XPR1: variants seen among roughly 807,000 people sequenced by gnomAD.
XPR1 encodes the protein xenotropic and polytropic retrovirus receptor 1.
XPR1 carries 28 observed loss-of-function variants against 87.5 expected under a neutral mutation model. That is an observed-to-expected ratio of 0.32 (90% CI 0.24 to 0.44). The LOEUF is 0.44. XPR1 is among the 20% of genes least tolerant of loss of function. The pLI is 1.00. For missense variants in XPR1, 559 were observed against 862.3 expected (o/e 0.65, Z 4.41); for synonymous variants, 300 against 306.1 (o/e 0.98, Z 0.21).
rs368249144 is a variant in XPR1, at chr1:180,811,491, A to C, written c.763+3A>C. The C allele has an allele frequency of 2.6e-5, 42 of 1,607,960 alleles. No individual in the cohort carries two copies. The highest frequency in any genetic ancestry group is 8.5e-6 in the Non-Finnish European group (10 of 1,175,804). On this transcript the variant is annotated splice_donor_region_variant and intron_variant, in intron 7 of 14. Transcript: ENST00000367590. ...GAATATTACCCTTGTGCTTGCCGGTAAGTAGTTTAAATTTTGAATTAATTT... is the reference window on the plus strand; with the variant it reads ...GAATATTACCCTTGTGCTTGCCGGTCAGTAGTTTAAATTTTGAATTAATTT...
chr1:180,744,650 C>CTTTTTTTTTTTTTTTTTTTTTTTTT lies in XPR1; in HGVS notation c.122-43100_122-43099insTTTTTTTTTTTTTTTTTTTTTTTTT, dbSNP rs200044209. 9.8e-4 allele frequency among the ~76,000 whole-genome samples: 56 copies of CTTTTTTTTTTTTTTTTTTTTTTTTT among 56,958 alleles called. 10 individuals are homozygous for CTTTTTTTTTTTTTTTTTTTTTTTTT. The highest frequency in any genetic ancestry group is 2.6e-3 in the African/African-American group (45 of 17,144). The allele number at this position is 56,958 out of a possible 152,430, so 37.4% of individuals were successfully genotyped here. A position where few individuals can be genotyped will look rare whatever the true frequency, so the allele number is the denominator to read the frequency against. The stretch of plus-strand genomic sequence containing the variant: ...ACTTGTTCAGGTTTAGGCACAATTT[C>CTTTTTTTTTTTTTTTTTTTTTTTTT]TTTCTTTTTTTTTTTTTTGAGACAG... On this transcript the variant is annotated intron_variant, in intron 2 of 14. Coordinates refer to ENST00000367590, the MANE Select transcript of XPR1 (RefSeq NM_004736.4).
intron 1 of XPR1, among the ~76,000 whole-genome samples, chr1:180,677,894 A>G (rs1345670764): frequency 6.6e-6 from 1 of 152,200 alleles, no homozygotes; most frequent in Non-Finnish European, 1.5e-5. Context: ...GTTAGATCAG[A>G]TCTTTTGTAC....
At chr1:180,801,666 A>G (rs564569928) in intron 3 of XPR1, among the ~76,000 whole-genome samples, 19 of 152,332 alleles carry the variant, frequency 1.2e-4, no homozygotes, top group Admixed American at 1.2e-3. Context: ...ACAGCAAGAC[A>G]GTATAGCAGT....
At chr1:180,710,736 C>A (rs12082348) in intron 2 of XPR1, among the ~76,000 whole-genome samples, 1 of 152,260 alleles carries the variant, frequency 6.6e-6, no homozygotes, top group African/African-American at 2.4e-5. Flanking sequence ...GATGGGGTGG[C>A]GGCTGGGCAG....
chr1:180,885,670 A>G lies in XPR1; in HGVS notation c.*1604A>G, dbSNP rs1652986830. On this transcript the variant is annotated 3_prime_UTR_variant, in exon 15 of 15. Coordinates refer to ENST00000367590, the MANE Select transcript of XPR1 (RefSeq NM_004736.4). ...TTTCAAAGTCAATACCAGCAGATTC[A>G]TGAAAGTAAATTTAGTCCTATAATT... 2 of 152,228 alleles carry G rather than the reference A, an allele frequency of 1.3e-5. No homozygotes were observed. The highest frequency in any genetic ancestry group is 2.9e-5 in the Non-Finnish European group (2 of 68,036). 9.4% of individuals were successfully genotyped at this position (152,228 alleles called of 1,614,324 possible).
chr1:180,761,242 A>T (rs1426902957), intron 2 of XPR1, among the ~76,000 whole-genome samples: 6 of 152,194 alleles, frequency 3.9e-5, no homozygotes, highest in Non-Finnish European at 8.8e-5. Context: ...ACCAAAAGCA[A>T]TGGCAACAAA....
At chr1:180,816,502 T>C (rs1440503097) in intron 7 of XPR1, among the ~76,000 whole-genome samples, 6 of 152,192 alleles carry the variant, frequency 3.9e-5, no homozygotes. Flanking sequence ...TGCTTACATA[T>C]GTCCACCAAA....
intron 3 of XPR1, among the ~76,000 whole-genome samples, chr1:180,789,366 C>T (rs1211137856): frequency 6.6e-6 from 1 of 152,150 alleles, no homozygotes; most frequent in Non-Finnish European, 1.5e-5. Flanking sequence ...TAGCCCCATA[C>T]ACACATAGCC....
intron 1 of XPR1, among the ~76,000 whole-genome samples, chr1:180,680,598 C>T (rs754512164): frequency 1.8e-4 from 28 of 152,142 alleles, no homozygotes; most frequent in African/African-American, 6.3e-4. Flanking sequence ...CTTTTGACCT[C>T]GTGATCCGCT....
At chr1:180,707,318 T>C (rs1280405485) in intron 2 of XPR1, among the ~76,000 whole-genome samples, 1 of 152,242 alleles carries the variant, frequency 6.6e-6, no homozygotes, top group African/African-American at 2.4e-5. Context: ...ATTAGTTATT[T>C]TTCCTGATCC....
chr1:180,789,931 CA>C (rs1396362412), intron 3 of XPR1, among the ~76,000 whole-genome samples: 1 of 152,138 alleles, frequency 6.6e-6, no homozygotes, highest in Non-Finnish European at 1.5e-5. Context: ...ACTGTGCCCT[CA>C]AAGCTTCCTG....
At chr1:180,748,075 T>A (rs1028714838) in intron 2 of XPR1, among the ~76,000 whole-genome samples, 97 of 152,322 alleles carry the variant, frequency 6.4e-4, no homozygotes, top group African/African-American at 2.3e-3. Flanking sequence ...CCATACACAT[T>A]TAGAGTCATC....
chr1:180,712,169 A>G (rs1306943002), intron 2 of XPR1, among the ~76,000 whole-genome samples: 2 of 152,256 alleles, frequency 1.3e-5, no homozygotes, highest in African/African-American at 4.8e-5. Context: ...TATAACAATT[A>G]TAACAGTATG....
intron 4 of XPR1, among the ~76,000 whole-genome samples, chr1:180,804,431 C>T (rs1380488946): frequency 6.6e-6 from 1 of 152,184 alleles, no homozygotes; most frequent in African/African-American, 2.4e-5. Flanking sequence ...CCATGGGCTG[C>T]AATAAAATCA....
At chr1:180,865,201 A>G (rs1309059929) in intron 12 of XPR1, among the ~76,000 whole-genome samples, 1 of 152,142 alleles carries the variant, frequency 6.6e-6, no homozygotes, top group Non-Finnish European at 1.5e-5. Flanking sequence ...CCTAAACTAT[A>G]GCAATACCCC....
chr1:180,803,877 AAC>A (rs1356508710), intron 4 of XPR1, among the ~76,000 whole-genome samples: 2 of 152,210 alleles, frequency 1.3e-5, no homozygotes, highest in Non-Finnish European at 2.9e-5. Context: ...CTCAAGGACT[AAC>A]AGTTTGCTTC....
chr1:180,663,371 T>C (rs558787837), intron 1 of XPR1, among the ~76,000 whole-genome samples: 36 of 152,358 alleles, frequency 2.4e-4, no homozygotes, highest in African/African-American at 8.2e-4. Flanking sequence ...CCCAGTAACA[T>C]TGTGGTTCTT....
At chr1:180,704,700 T>C (rs1657492618) in intron 2 of XPR1, among the ~76,000 whole-genome samples, 3 of 151,736 alleles carry the variant, frequency 2.0e-5, no homozygotes, top group African/African-American at 7.2e-5. Flanking sequence ...TGATAGACTC[T>C]TAGTATCCTA....
intron 2 of XPR1, among the ~76,000 whole-genome samples, chr1:180,767,689 A>G (rs927078770): frequency 1.3e-5 from 2 of 152,234 alleles, no homozygotes; most frequent in Non-Finnish European, 2.9e-5. Flanking sequence ...ACATAAAAGG[A>G]TATTTTACAC....
Sources: allele counts gnomAD v4.1 joint callset (sites outside exome capture counted in the v4.1 genomes callset), GRCh38; gene constraint gnomAD v4.1.1; transcripts MANE v1.5; gene names NCBI Gene and HGNC (gene_info 2026-07-23, HGNC 2026-07-21).